The following CCDC74B variants were observed in gnomAD, a reference collection of about 807,000 sequenced individuals.
CCDC74B encodes the protein coiled-coil domain containing 74B.
Under a neutral mutation model 38.0 loss-of-function variants are expected in CCDC74B, and 34 were observed. The ratio of observed to expected loss-of-function variants is 0.89; its 90% CI spans 0.68 to 1.19. The LOEUF (loss-of-function observed/expected upper bound fraction) is 1.19, where lower values mean the gene tolerates loss of function less well. CCDC74B is among the 50% of genes most tolerant of loss of function. The probability of loss-of-function intolerance (pLI) is 0.00; values close to 1 mark genes in which losing one functional copy is unlikely to be tolerated. For synonymous variants in CCDC74B, 132 were observed against 170.4 expected (o/e 0.77, Z 1.76); for missense variants, 358 against 406.0 (o/e 0.88, Z 1.02).
In CCDC74B at chr2:130,143,305, A is replaced by G. The variant is rs1418139348; in HGVS notation, c.259T>C (p.Tyr87His). Residue 87 changes from tyrosine (Y) to histidine (H), a missense_variant, in exon 2 of 8, where the codon TAC becomes CAC. By Grantham distance (83) the Tyr-to-His change is moderately conservative. Transcript: ENST00000409943. ...HLKRENKDLRYKLIMNQTSQK... is the reference protein window; with the variant it reads ...HLKRENKDLRHKLIMNQTSQK... Reference sequence around the variant, plus strand: ...GATGTCTGATTCATTATGAGCTTGTAACGGAGATCTGAAAGCAAGCACACG... The same window carrying G: ...GATGTCTGATTCATTATGAGCTTGTGACGGAGATCTGAAAGCAAGCACACG... 3 of 1,613,980 alleles carry G rather than the reference A, an allele frequency of 1.9e-6. No individual in the cohort carries two copies. In the South Asian group the frequency reaches 3.3e-5, roughly 18 times the overall value.
chr2:130,139,595 T>C lies in CCDC74B; in HGVS notation c.905A>G (p.Gln302Arg). 1 of 1,613,382 alleles carries C rather than the reference T, an allele frequency of 6.2e-7. No individual in the cohort carries two copies. Residue 302 changes from glutamine (Q) to arginine (R), a missense_variant, in exon 8 of 8, where the codon CAG becomes CGG. Coordinates refer to ENST00000409943, the MANE Select transcript of CCDC74B (RefSeq NM_001258307.2). ...ATGCAGGCGCCGTTTCTGCATTGCC[T>C]GCAGCCTCTTCTGCCTCTCGGCAAA... ...NNFAERQKRL[Q>R]AMQKRRLHRS...
At position 130,141,165 on chromosome 2, in the gene CCDC74B, G is replaced by A. The variant is rs751778402; in HGVS notation, c.478C>T (p.Gln160Ter). 2.4e-5 allele frequency: 39 copies of A among 1,612,722 alleles called. No homozygotes were observed. The highest frequency in any genetic ancestry group is 1.7e-4 in the Middle Eastern group (1 of 6,030). ...KLDKVPGVQG[Q>*]ARKEKAEASN... ...GGAACACCCAAGCCTTACCTGGCCT[G>A]CCCTTGTACCCCAGGAACCTTGTCC... Residue 160 changes from glutamine (Q) to a stop codon, truncating the protein, a stop_gained, in exon 4 of 8, where the codon CAG (glutamine) becomes TAG (stop). Coordinates refer to ENST00000409943, the MANE Select transcript of CCDC74B (RefSeq NM_001258307.2). LOFTEE classifies it high-confidence loss of function.
rs1225316141 is a variant in CCDC74B at position 130,144,832 on chromosome 2, C to A, written c.165G>T (p.Lys55Asn). 1.2e-6 allele frequency: 2 copies of A among 1,612,456 alleles called. No individual in the cohort carries two copies. The highest frequency in any genetic ancestry group is 1.7e-6 in the Non-Finnish European group (2 of 1,179,562). ...DPQKRNLDLE[K>N]SLQFLQQQHS... Reference sequence around the variant, plus strand: ...GCTGCTGCTGCAGGAACTGTAGGCTCTTCTCCAGGTCCAGGTTCCGTTTCT... The same window carrying A: ...GCTGCTGCTGCAGGAACTGTAGGCTATTCTCCAGGTCCAGGTTCCGTTTCT... The change falls in exon 1 of 8, where the codon AAG becomes AAT. Residue 55 changes from lysine (K) to asparagine (N), a missense_variant. Physicochemically the swap from Lys to Asn is moderately conservative, Grantham distance 94. Around this residue, in one of 3 missense-constraint regions of CCDC74B, gnomAD observed 128 missense variants for 146.7 expected, o/e 0.87. Transcript: ENST00000409943.
intron 1 of CCDC74B, chr2:130,144,387 T>C (rs1685894595): frequency 2.7e-6 from 3 of 1,097,792 alleles, no homozygotes; most frequent in Non-Finnish European, 4.1e-6. Flanking sequence ...GATCCGCCCG[T>C]CTCGGTCTCC....
intron 4 of CCDC74B, 60 bp downstream of exon 4, chr2:130,141,098 T>C: frequency 1.2e-6 from 2 of 1,606,516 alleles, no homozygotes; most frequent in Non-Finnish European, 1.7e-6. Context: ...ATGGGGCCCT[T>C]AGGGTGCAGG....
At chr2:130,142,567 T>A (rs1209374163) in intron 2 of CCDC74B, 5 of 1,550,418 alleles carry the variant, frequency 3.2e-6, no homozygotes, top group Non-Finnish European at 4.4e-6. Flanking sequence ...CTCAACCCCA[T>A]TCTCCATGTC....
intron 3 of CCDC74B, 62 bp downstream of exon 3, chr2:130,142,071 C>A: frequency 1.9e-6 from 3 of 1,592,476 alleles, no homozygotes. Context: ...CTAGAGGCCA[C>A]CCAGGCTGGG....
At chr2:130,140,438 C>T in intron 4 of CCDC74B, 67 bp from the exon 5 acceptor site, 1 of 1,490,510 alleles carries the variant, frequency 6.7e-7, no homozygotes, top group East Asian at 2.3e-5. Flanking sequence ...ACCCAGCATA[C>T]CTCCCCAGGC....
rs1456727893 is a variant in CCDC74B at position 130,140,032 on chromosome 2, C to G, written c.743G>C (p.Ser248Thr). Residue 248 changes from serine to threonine, a missense_variant, in exon 6 of 8, where the codon AGC (serine) becomes ACC (threonine). By Grantham distance (58) the Ser-to-Thr change is moderately conservative (BLOSUM62 1). Around this residue, in one of 3 missense-constraint regions of CCDC74B, gnomAD observed 213 missense variants for 212.3 expected, o/e 1.00. Coordinates refer to ENST00000409943, the MANE Select transcript of CCDC74B (RefSeq NM_001258307.2). Reference protein sequence around the residue: ...QRPQAVPEEASFPRDQEATHF... With the variant: ...QRPQAVPEEATFPRDQEATHF... ...TGCACCAGGCACTCACCTGGGAAAG[C>G]TAGCTTCCTCCGGGACTGCCTGGGG... is the stretch of plus-strand genomic sequence containing the variant. 1.9e-6 allele frequency: 3 copies of G among 1,606,682 alleles called. No individual in the cohort carries two copies. The highest frequency in any genetic ancestry group is 2.5e-6 in the Non-Finnish European group (3 of 1,177,016).
rs1573644762 is a variant in CCDC74B at position 130,144,998 on chromosome 2, T to C, written c.-2A>G. The C allele has an allele frequency of 9.0e-6, 13 of 1,444,116 alleles. No individual in the cohort carries two copies. The East Asian group carries it at 2.0e-4, about 23-fold the overall frequency. 89.5% of individuals were successfully genotyped at this position (1,444,116 alleles called of 1,614,324 possible). A position where few individuals can be genotyped will look rare whatever the true frequency, so the allele number is the denominator to read the frequency against. On this transcript the variant is annotated 5_prime_UTR_variant, in exon 1 of 8. Coordinates refer to ENST00000409943, the MANE Select transcript of CCDC74B (RefSeq NM_001258307.2). ...AGCCGCCACCCCCGCACCGCTCATATCGCCATCGCCAGGTACTCTCCCGCT... is the reference window on the plus strand; with the variant it reads ...AGCCGCCACCCCCGCACCGCTCATACCGCCATCGCCAGGTACTCTCCCGCT...
At chr2:130,140,908 C>G (rs898838020) in intron 4 of CCDC74B, 4 of 360,296 alleles carry the variant, frequency 1.1e-5, no homozygotes, top group East Asian at 5.2e-5. Context: ...ACTGGCCCCC[C>G]TCGTGGGCTC....
chr2:130,142,028 C>G, intron 3 of CCDC74B, 105 bp downstream of exon 3: 1 of 1,514,824 alleles, frequency 6.6e-7, no homozygotes, highest in Non-Finnish European at 8.9e-7. Context: ...AATCCTGGAG[C>G]TTGGCCCAGC....
In CCDC74B at chr2:130,144,908, C is replaced by G; in HGVS notation, c.89G>C (p.Gly30Ala). 1 of 1,573,396 alleles carries G rather than the reference C, an allele frequency of 6.4e-7. No individual in the cohort carries two copies. Among genetic ancestry groups the G allele is most frequent in the East Asian group, 2.2e-5 (1 of 44,510 alleles). Residue 30 changes from glycine to alanine, a missense_variant, in exon 1 of 8, where the codon GGC becomes GCC. Gly to Ala is a moderately conservative substitution (Grantham distance 60). Coordinates refer to ENST00000409943, the MANE Select transcript of CCDC74B (RefSeq NM_001258307.2). ...SRRRRQRPSV[G>A]VQSLRPQSPQ... ...GCTCTGCGGCCTCAAGGACTGGACG[C>G]CCACAGAGGGGCGCTGGCGCCGGCG...
chr2:130,140,398 G>C (rs1685530079), intron 4 of CCDC74B, 27 bp from the exon 5 acceptor site: 1 of 1,533,150 alleles, frequency 6.5e-7, no homozygotes, highest in Non-Finnish European at 8.8e-7. Context: ...AGCAGCCAGA[G>C]GTGACCTGCC....
Position 130,140,172 on chromosome 2 carries a change from G to A in CCDC74B, c.678+7C>T, listed in dbSNP as rs749509237. ...CCCAGGGCCACCCCCACCACCCAGGGCCTCACCTCTTGGGTCTGCAGGAGG... is the reference window on the plus strand; with the variant it reads ...CCCAGGGCCACCCCCACCACCCAGGACCTCACCTCTTGGGTCTGCAGGAGG... On this transcript the variant is annotated splice_region_variant and intron_variant, in intron 5 of 7. Coordinates refer to ENST00000409943, the MANE Select transcript of CCDC74B (RefSeq NM_001258307.2). The A allele has an allele frequency of 5.6e-6, 9 of 1,612,600 alleles. No homozygotes were observed. The South Asian group carries it at 6.6e-5, about 12-fold the overall frequency.
At chr2:130,144,481 G>A in intron 1 of CCDC74B, 1 of 1,492,448 alleles carries the variant, frequency 6.7e-7, no homozygotes, top group East Asian at 2.5e-5. Flanking sequence ...GACCCTGCTT[G>A]GAGAGGAGAG....
rs1215704439 is a variant in CCDC74B, at chr2:130,140,447, G to C, written c.486-76C>G. The C allele has an allele frequency of 7.5e-6, 11 of 1,472,958 alleles. No homozygotes were observed. In the East Asian group the frequency reaches 2.3e-4, roughly 31 times the overall value. 91.2% of individuals were successfully genotyped at this position (1,472,958 alleles called of 1,614,324 possible). A position where few individuals can be genotyped will look rare whatever the true frequency, so the allele number is the denominator to read the frequency against. ...CCACCCACCCAGCATACCTCCCCAGGCAGCGCCCAGGCCAATGTGGGGAAG... is the reference window on the plus strand; with the variant it reads ...CCACCCACCCAGCATACCTCCCCAGCCAGCGCCCAGGCCAATGTGGGGAAG... On this transcript the variant is annotated intron_variant, in intron 4 of 7. Coordinates refer to ENST00000409943, the MANE Select transcript of CCDC74B (RefSeq NM_001258307.2).
At chr2:130,141,640 C>T (rs1205164966) in intron 3 of CCDC74B, 2 of 412,572 alleles carry the variant, frequency 4.8e-6, no homozygotes, top group East Asian at 5.0e-5. Flanking sequence ...GGGCCCATCA[C>T]AGGAATGGTG....
At chr2:130,140,716 A>C in intron 4 of CCDC74B, 1 of 427,472 alleles carries the variant, frequency 2.3e-6, no homozygotes, top group Non-Finnish European at 4.1e-6. Flanking sequence ...TGCGCTGCTG[A>C]AAGTGTGCGC....
Sources: gnomAD v4.1 joint callset for allele counts on GRCh38, gnomAD v4.1.1 for gene constraint, gnomAD v4.1.1 regional missense constraint, MANE v1.5 for transcripts, NCBI Gene and HGNC (gene_info 2026-07-23, HGNC 2026-07-21) for gene names.